Variants in C12orf42 observed in about 807,000 individuals in gnomAD.
The protein encoded by C12orf42 is chromosome 12 open reading frame 42, also known as uncharacterized protein C12orf42.
A neutral mutation model predicts 21.6 loss-of-function variants in C12orf42; 25 were observed. That is an observed-to-expected ratio of 1.16 (90% CI 0.84 to 1.62). The LOEUF (loss-of-function observed/expected upper bound fraction) is 1.62. Ranked by LOEUF, C12orf42 falls within the 40% of genes most tolerant of loss-of-function variation. The pLI, the probability that C12orf42 is intolerant of heterozygous loss-of-function variation, is 0.00. For synonymous variants in C12orf42, 174 were observed against 175.0 expected, an observed-to-expected ratio of 0.99 and a Z score of 0.05; for missense variants, 483 against 459.3, an observed-to-expected ratio of 1.05 and a Z score of -0.47.
chr12:103,435,804 G>A (rs531376894), intron 2 of C12orf42, among the ~76,000 whole-genome samples: 6 of 152,244 alleles, frequency 3.9e-5, no homozygotes, highest in African/African-American at 1.2e-4. Flanking sequence ...TGGGGAGAAT[G>A]GAACCAAGTT....
At chr12:103,105,787 G>C in the C12orf42 span, among the ~76,000 whole-genome samples, 12 of 151,992 alleles carry the variant, frequency 7.9e-5, no homozygotes, top group African/African-American at 2.9e-4. Flanking sequence ...CAAATTCGGA[G>C]AAAAATAATG....
intron 2 of C12orf42, among the ~76,000 whole-genome samples, chr12:103,421,735 C>T (rs897501094): frequency 3.3e-5 from 5 of 152,156 alleles, no homozygotes; most frequent in African/African-American, 9.6e-5. Context: ...ATGAAACATA[C>T]CGTTGGGCTA....
At chr12:103,193,543 A>G in the C12orf42 span, among the ~76,000 whole-genome samples, 1 of 152,026 alleles carries the variant, frequency 6.6e-6, no homozygotes, top group Non-Finnish European at 1.5e-5. Flanking sequence ...AGAAATAAAA[A>G]AGATTAAAAG....
chr12:103,479,370 AAAAAG>A (rs1422849887), intron 1 of C12orf42, among the ~76,000 whole-genome samples: 2 of 152,096 alleles, frequency 1.3e-5, no homozygotes, highest in Admixed American at 1.3e-4. Flanking sequence ...TAAAGGGTTG[AAAAAG>A]AAAAGAAGAC....
At chr12:103,302,687 A>G in intron 5 of C12orf42, 128 bp from the exon 6 acceptor site, 1 of 742,264 alleles carries the variant, frequency 1.3e-6, no homozygotes, top group Non-Finnish European at 2.1e-6. Context: ...AAAGAAAAAA[A>G]AAAAAAAACC....
intron 4 of C12orf42, among the ~76,000 whole-genome samples, chr12:103,324,614 A>G (rs368131718): frequency 4.6e-5 from 7 of 152,180 alleles, no homozygotes; most frequent in Non-Finnish European, 7.3e-5. Flanking sequence ...ATGCGATTCC[A>G]TATGTCTCAT....
At chr12:103,273,439 T>C (rs1414930654) in intron 5 of C12orf42, among the ~76,000 whole-genome samples, 1 of 152,182 alleles carries the variant, frequency 6.6e-6, no homozygotes, top group Admixed American at 6.5e-5. Context: ...GCATTGTATA[T>C]TGGCCATTTT....
At chr12:103,070,301 T>C in the C12orf42 span, among the ~76,000 whole-genome samples, 1 of 152,106 alleles carries the variant, frequency 6.6e-6, no homozygotes, top group Non-Finnish European at 1.5e-5. Context: ...CCTATGAGTT[T>C]GGTAAAAGCT....
intron 2 of C12orf42, among the ~76,000 whole-genome samples, chr12:103,410,031 G>A (rs2048712588): frequency 6.6e-6 from 1 of 152,146 alleles, no homozygotes; most frequent in East Asian, 1.9e-4. Flanking sequence ...ACATTCCTAA[G>A]TGACACCGTA....
the C12orf42 span, among the ~76,000 whole-genome samples, chr12:103,152,458 G>C: frequency 6.6e-6 from 1 of 151,842 alleles, no homozygotes; most frequent in Non-Finnish European, 1.5e-5. Flanking sequence ...CACTCATTAC[G>C]GTACTGGCCA....
the C12orf42 span, among the ~76,000 whole-genome samples, chr12:103,552,849 T>G: frequency 6.6e-6 from 1 of 152,044 alleles, no homozygotes; most frequent in African/African-American, 2.4e-5. Flanking sequence ...AAACTTATAC[T>G]CATGGTGGAA....
At chr12:103,078,639 AT>A in the C12orf42 span, among the ~76,000 whole-genome samples, 1 of 152,236 alleles carries the variant, frequency 6.6e-6, no homozygotes, top group Non-Finnish European at 1.5e-5. Flanking sequence ...GAAACCTTGA[AT>A]GAATTTCCCT....
upstream of C12orf42, among the ~76,000 whole-genome samples, chr12:103,497,816 G>A (rs896660621): frequency 6.6e-6 from 1 of 152,136 alleles, no homozygotes; most frequent in African/African-American, 2.4e-5. Flanking sequence ...CGGATCACTA[G>A]GTCTGGAGAT....
chr12:103,485,554 A>G (rs1404180071), intron 1 of C12orf42, among the ~76,000 whole-genome samples: 1 of 152,174 alleles, frequency 6.6e-6, no homozygotes, highest in Non-Finnish European at 1.5e-5. Flanking sequence ...TCTATAAATT[A>G]CCTTGGGCAG....
the C12orf42 span, among the ~76,000 whole-genome samples, chr12:103,155,544 CCTCT>C: frequency 6.6e-6 from 1 of 151,846 alleles, no homozygotes; most frequent in Non-Finnish European, 1.5e-5. Context: ...TGTTTGGAAG[CCTCT>C]CTCTCTCCCA....
chr12:103,342,449 C>T (rs2042246447), intron 4 of C12orf42, among the ~76,000 whole-genome samples: 1 of 152,018 alleles, frequency 6.6e-6, no homozygotes, highest in Non-Finnish European at 1.5e-5. Context: ...TACTGTATGC[C>T]AGGCACTATA....
the C12orf42 span, among the ~76,000 whole-genome samples, chr12:103,119,614 C>A: frequency 6.6e-6 from 1 of 152,180 alleles, no homozygotes; most frequent in African/African-American, 2.4e-5. Context: ...TCCTCCCAAT[C>A]AGCTATATGC....
intron 3 of C12orf42, among the ~76,000 whole-genome samples, chr12:103,383,657 A>C (rs1306098404): frequency 6.6e-6 from 1 of 152,242 alleles, no homozygotes; most frequent in South Asian, 2.1e-4. Context: ...GTGAATAAGT[A>C]AGCAAATAAC....
chr12:103,180,614 CCTTT>C, the C12orf42 span, among the ~76,000 whole-genome samples: 2 of 92,292 alleles, frequency 2.2e-5, no homozygotes, highest in East Asian at 2.8e-4. Flanking sequence ...AAAATAATTT[CCTTT>C]TTTTTTTTTT....
Sources: gnomAD v4.1 joint callset for allele counts (sites outside exome capture counted in the v4.1 genomes callset) on GRCh38, gnomAD v4.1.1 for gene constraint, MANE v1.5 for transcripts, NCBI Gene and HGNC (gene_info 2026-07-23, HGNC 2026-07-21) for gene names.